The following PKIG variants were observed in gnomAD, a reference collection of about 807,000 sequenced individuals.
PKIG encodes the protein protein kinase (cAMP-dependent, catalytic) inhibitor gamma.
Under a neutral mutation model 6.8 loss-of-function variants are expected in PKIG, and 1 was observed. That is an observed-to-expected ratio of 0.15 (90% confidence interval 0.05 to 0.69). The LOEUF is 0.69. Ranked by LOEUF, PKIG falls within the 30% of genes least tolerant of loss-of-function variation. The pLI is 0.82. For missense variants in PKIG, 77 were observed against 104.0 expected (o/e 0.74, Z 1.13); for synonymous variants, 39 against 43.0 (o/e 0.91, Z 0.36).
rs546951371 is a variant in PKIG at position 44,618,720 on chromosome 20, C to T, written c.*356C>T. The T allele has an allele frequency of 3.7e-4, 76 of 207,116 alleles. No homozygotes were observed. The highest frequency in any genetic ancestry group is 6.4e-4 in the Non-Finnish European group (65 of 100,952). 12.8% of individuals were successfully genotyped at this position (207,116 alleles called of 1,614,324 possible). Reference sequence around the variant, plus strand: ...CGAGCGGCCCGGGCAGGGACCCTGTCCCAACACCAACACCTCCTCTCCAGC... The same window carrying T: ...CGAGCGGCCCGGGCAGGGACCCTGTTCCAACACCAACACCTCCTCTCCAGC... On this transcript the variant is annotated 3_prime_UTR_variant, in exon 4 of 4. Coordinates refer to ENST00000372886, the MANE Select transcript of PKIG (RefSeq NM_001281445.2).
intron 2 of PKIG, among the ~76,000 whole-genome samples, chr20:44,603,746 G>A (rs978507951): frequency 2.0e-5 from 3 of 152,190 alleles, no homozygotes; most frequent in African/African-American, 7.2e-5. Flanking sequence ...TATTTGCCCT[G>A]TGATGGTCCT....
chr20:44,608,555 C>CTTGG, intron 2 of PKIG, among the ~76,000 whole-genome samples: 1 of 152,274 alleles, frequency 6.6e-6, no homozygotes, highest in East Asian at 1.9e-4. Context: ...GTAATCCCAA[C>CTTGG]ACTTTGGAAG....
chr20:44,570,810 T>A (rs244115), intron 1 of PKIG, among the ~76,000 whole-genome samples: 1 of 152,060 alleles, frequency 6.6e-6, no homozygotes, highest in African/African-American at 2.4e-5. Context: ...GATAGGTAGA[T>A]GGGTGGTTAT....
chr20:44,608,594 GGAGTTTGAGACCAC>G (rs1304691389), intron 2 of PKIG, among the ~76,000 whole-genome samples: 2 of 152,118 alleles, frequency 1.3e-5, no homozygotes, highest in African/African-American at 2.4e-5. Flanking sequence ...CTTGAGCCCA[GGAGTTTGAGACCAC>G]GAGTTTGAGA....
chr20:44,611,770 C>T (rs996330391), intron 2 of PKIG, among the ~76,000 whole-genome samples: 10 of 152,036 alleles, frequency 6.6e-5, no homozygotes, highest in African/African-American at 2.4e-4. Flanking sequence ...CCACCCGCCT[C>T]GGCCTCCCAA....
At chr20:44,559,888 A>ATG (rs2064751064) in intron 1 of PKIG, among the ~76,000 whole-genome samples, 1 of 152,104 alleles carries the variant, frequency 6.6e-6, no homozygotes, top group African/African-American at 2.4e-5. Flanking sequence ...ACTGTGCTGG[A>ATG]TCAGAGAGTA....
chr20:44,564,394 T>A (rs1387873716), intron 1 of PKIG: 1 of 152,226 alleles, frequency 6.6e-6, no homozygotes, highest in Non-Finnish European at 1.5e-5. Flanking sequence ...TCTCATTTCC[T>A]AAGACTTTCT....
At chr20:44,537,179 A>G (rs1022053508) in intron 1 of PKIG, among the ~76,000 whole-genome samples, 2 of 152,094 alleles carry the variant, frequency 1.3e-5, no homozygotes, top group African/African-American at 4.8e-5. Context: ...ATCTTGGCTC[A>G]CCGCAACTGC....
At chr20:44,595,217 A>C (rs1379060243) in intron 2 of PKIG, among the ~76,000 whole-genome samples, 4 of 152,368 alleles carry the variant, frequency 2.6e-5, no homozygotes, top group Non-Finnish European at 5.9e-5. Flanking sequence ...GGTTACACAC[A>C]CACGCAGAGA....
chr20:44,554,557 A>C (rs2064697045), intron 1 of PKIG, among the ~76,000 whole-genome samples: 1 of 152,084 alleles, frequency 6.6e-6, no homozygotes, highest in Non-Finnish European at 1.5e-5. Flanking sequence ...GCTAGCTAAG[A>C]ACTGGGACAA....
chr20:44,588,074 A>G (rs2065004943), intron 1 of PKIG, among the ~76,000 whole-genome samples: 1 of 152,230 alleles, frequency 6.6e-6, no homozygotes. Context: ...CAAGATGGGG[A>G]CAGAGTCCTG....
chr20:44,541,533 A>G (rs2064561855), intron 1 of PKIG, among the ~76,000 whole-genome samples: 1 of 152,068 alleles, frequency 6.6e-6, no homozygotes, highest in Admixed American at 6.6e-5. Flanking sequence ...GAATATTTGT[A>G]CCAAAACTTA....
Position 44,543,736 on chromosome 20 carries a change from A to G in PKIG, c.-241+11758A>G, listed in dbSNP as rs73113327. On this transcript the variant is annotated intron_variant, in intron 1 of 4. Transcript: ENST00000372887. ...GTAGGCCTAGGCCCCAGATTTATGT[A>G]TGGCACCCACCTAAGGAATAGAAAG... Among the ~76,000 whole-genome samples the G allele has an allele frequency of 4.0e-3, 608 of 152,132 alleles. 5 individuals are homozygous for G. Among genetic ancestry groups the G allele is most frequent in the Non-Finnish European group, 5.0e-3 (342 of 68,012 alleles).
chr20:44,560,365 C>A (rs988813506), intron 1 of PKIG, among the ~76,000 whole-genome samples: 1 of 152,174 alleles, frequency 6.6e-6, no homozygotes, highest in African/African-American at 2.4e-5. Flanking sequence ...TGGCTTTTAA[C>A]TTACAAGATA....
intron 1 of PKIG, among the ~76,000 whole-genome samples, chr20:44,572,112 T>TCCTG (rs2064859072): frequency 6.6e-6 from 1 of 152,212 alleles, no homozygotes; most frequent in Non-Finnish European, 1.5e-5. Flanking sequence ...CAAGCAATTC[T>TCCTG]CCTGCCTCAG....
intron 1 of PKIG, among the ~76,000 whole-genome samples, chr20:44,537,565 C>T (rs1392309037): frequency 6.6e-6 from 1 of 151,488 alleles, no homozygotes; most frequent in Non-Finnish European, 1.5e-5. Context: ...AACACAGTCT[C>T]CTGTAAATAT....
intron 1 of PKIG, among the ~76,000 whole-genome samples, chr20:44,561,336 C>CA (rs906391101): frequency 3.0e-4 from 42 of 140,716 alleles, no homozygotes; most frequent in African/African-American, 5.5e-4. Flanking sequence ...GACTCCGTCT[C>CA]AAAAAAAAAA....
At position 44,537,664 on chromosome 20, in the gene PKIG, G is replaced by A. The variant is rs147124658; in HGVS notation, c.-241+5686G>A. On this transcript the variant is annotated intron_variant, in intron 1 of 4. Transcript: ENST00000372887. Reference sequence around the variant, plus strand: ...GCGATTTTGGCTCACTGCACCCTTCGCCTTTGAGGTTCAAGTGATTCTCCT... The same window carrying A: ...GCGATTTTGGCTCACTGCACCCTTCACCTTTGAGGTTCAAGTGATTCTCCT... 1.7e-3 allele frequency among the ~76,000 whole-genome samples: 259 copies of A among 150,186 alleles called. 2 individuals are homozygous for A. Among genetic ancestry groups the A allele is most frequent in the African/African-American group, 6.1e-3 (249 of 40,784 alleles).
chr20:44,599,002 C>T (rs1753350384), intron 2 of PKIG: 1 of 152,216 alleles, frequency 6.6e-6, no homozygotes, highest in Non-Finnish European at 1.5e-5. Flanking sequence ...AACCCAACAT[C>T]ACTGAAAAGA....
Sources: gnomAD v4.1 joint callset for allele counts (sites outside exome capture counted in the v4.1 genomes callset) on GRCh38, gnomAD v4.1.1 for gene constraint, MANE v1.5 for transcripts, NCBI Gene and HGNC (gene_info 2026-07-23, HGNC 2026-07-21) for gene names.